The following CCSER1 variants were observed in gnomAD, a reference collection of about 807,000 sequenced individuals.
The protein encoded by CCSER1 is serine-rich coiled-coil domain-containing protein 1.
Under a neutral mutation model 82.0 loss-of-function variants are expected in CCSER1, and 41 were observed. That is an observed-to-expected ratio of 0.50 (90% CI 0.39 to 0.65). The LOEUF is 0.65. Among genes scored for constraint, CCSER1 ranks in the 30% least tolerant of loss-of-function variants. The probability of loss-of-function intolerance (pLI) is 0.00; values close to 1 mark genes in which losing one functional copy is unlikely to be tolerated. For synonymous variants in CCSER1, 414 were observed against 383.9 expected, an observed-to-expected ratio of 1.08 and a Z score of -0.92; for missense variants, 1,119 against 1,064.2, an observed-to-expected ratio of 1.05 and a Z score of -0.72.
intron 1 of CCSER1, among the ~76,000 whole-genome samples, chr4:90,258,738 G>T (rs913184356): frequency 3.3e-5 from 5 of 152,052 alleles, no homozygotes; most frequent in African/African-American, 1.2e-4. Context: ...TTGGGGTACA[G>T]GTGTTTTTTG....
chr4:90,273,491 A>AC (rs1726976870), intron 1 of CCSER1, among the ~76,000 whole-genome samples: 1 of 152,142 alleles, frequency 6.6e-6, no homozygotes, highest in South Asian at 2.1e-4. Context: ...CCTACTATGT[A>AC]CCCACAAAAA....
At chr4:90,168,489 A>G (rs993497512) in intron 1 of CCSER1, among the ~76,000 whole-genome samples, 4 of 151,940 alleles carry the variant, frequency 2.6e-5, no homozygotes, top group Non-Finnish European at 5.9e-5. Flanking sequence ...ATTAGATCCC[A>G]TTTGTCCATT....
At chr4:91,086,500 C>T (rs977517797) in intron 10 of CCSER1, among the ~76,000 whole-genome samples, 14 of 152,080 alleles carry the variant, frequency 9.2e-5, no homozygotes, top group African/African-American at 3.1e-4. Flanking sequence ...GAAGACTTAA[C>T]ATCACTTAAT....
At chr4:90,439,097 G>T (rs1759482435) in intron 4 of CCSER1, among the ~76,000 whole-genome samples, 1 of 151,940 alleles carries the variant, frequency 6.6e-6, no homozygotes, top group African/African-American at 2.4e-5. Context: ...TTTGAGACAG[G>T]CTTGACCAAG....
chr4:90,502,477 A>T (rs1770044676), intron 5 of CCSER1, among the ~76,000 whole-genome samples: 1 of 152,208 alleles, frequency 6.6e-6, no homozygotes, highest in South Asian at 2.1e-4. Flanking sequence ...GGGTGCACAG[A>T]GCCAAACTAT....
intron 3 of CCSER1, among the ~76,000 whole-genome samples, chr4:90,382,412 C>T (rs999733378): frequency 6.6e-6 from 1 of 151,952 alleles, no homozygotes; most frequent in Non-Finnish European, 1.5e-5. Flanking sequence ...ATACCTTAAC[C>T]GATCAGTAGG....
chr4:90,359,746 AAAAATAAAT>A (rs1476336422), intron 3 of CCSER1, among the ~76,000 whole-genome samples: 2 of 144,044 alleles, frequency 1.4e-5, no homozygotes, highest in Non-Finnish European at 3.1e-5. Context: ...CAAAAAAAAT[AAAAATAAAT>A]AAAATAAATA....
chr4:90,436,354 T>C (rs2153569678), intron 4 of CCSER1, among the ~76,000 whole-genome samples: 1 of 152,332 alleles, frequency 6.6e-6, no homozygotes, highest in East Asian at 1.9e-4. Context: ...TATAAATTTG[T>C]TGTGTGAACT....
intron 10 of CCSER1, among the ~76,000 whole-genome samples, chr4:91,200,538 T>A (rs1310008191): frequency 1.3e-5 from 2 of 152,084 alleles, no homozygotes; most frequent in Non-Finnish European, 2.9e-5. Context: ...CATAGAAGCC[T>A]TCAAAGCTAG....
rs985179158 is a variant in CCSER1, at chr4:90,968,897, G to A, written c.2172+45450G>A. 6.6e-5 allele frequency among the ~76,000 whole-genome samples: 10 copies of A among 151,788 alleles called. 1 individual carries two copies. In the East Asian group the frequency reaches 1.9e-3, roughly 29 times the overall value. ...TAATTGTTTTAAGGAAGCTCAAGATGCTACAGAAACACAGAAAAATGAACA... is the reference window on the plus strand; with the variant it reads ...TAATTGTTTTAAGGAAGCTCAAGATACTACAGAAACACAGAAAAATGAACA... On this transcript the variant is annotated intron_variant, in intron 9 of 10. Coordinates refer to ENST00000509176, the MANE Select transcript of CCSER1 (RefSeq NM_001145065.2).
chr4:90,159,233 T>C (rs1437704392), intron 1 of CCSER1, among the ~76,000 whole-genome samples: 1 of 151,998 alleles, frequency 6.6e-6, no homozygotes, highest in Non-Finnish European at 1.5e-5. Context: ...ACTTGAGAAA[T>C]GGAGCCTCAC....
intron 5 of CCSER1, among the ~76,000 whole-genome samples, chr4:90,505,630 G>C (rs571561798): frequency 6.6e-6 from 1 of 152,210 alleles, no homozygotes; most frequent in Non-Finnish European, 1.5e-5. Context: ...AAACGGACAG[G>C]GCATTTTTGA....
chr4:90,844,939 T>C (rs13132443), intron 8 of CCSER1, among the ~76,000 whole-genome samples: 11,268 of 152,268 alleles, frequency 0.074, 474 homozygotes, highest in Non-Finnish European at 0.092. Context: ...GCCTGAAAGC[T>C]GGTATAGACA....
intron 9 of CCSER1, among the ~76,000 whole-genome samples, chr4:91,006,248 C>A (rs1279754662): frequency 1.3e-5 from 2 of 151,396 alleles, no homozygotes; most frequent in African/African-American, 4.9e-5. Context: ...TAAATTTATT[C>A]CTGGCGATAT....
intron 9 of CCSER1, among the ~76,000 whole-genome samples, chr4:90,995,183 G>A (rs190270304): frequency 3.3e-5 from 5 of 152,252 alleles, no homozygotes; most frequent in Admixed American, 6.5e-5. Context: ...CAAGGGCAGA[G>A]AGTGAGTTGG....
At chr4:90,700,454 T>C (rs9759582) in intron 6 of CCSER1, among the ~76,000 whole-genome samples, 34,493 of 152,018 alleles carry the variant, frequency 0.23, 4,951 homozygotes, top group African/African-American at 0.4. Flanking sequence ...AACATACGTG[T>C]GCATGTGTCT....
intron 5 of CCSER1, among the ~76,000 whole-genome samples, chr4:90,494,789 G>A (rs2153607572): frequency 6.6e-6 from 1 of 152,034 alleles, no homozygotes; most frequent in Middle Eastern, 3.4e-3. Context: ...TAACACCTAT[G>A]GTCCTAAGTC....
At chr4:90,643,465 A>T (rs1275845998) in intron 6 of CCSER1, among the ~76,000 whole-genome samples, 1 of 152,166 alleles carries the variant, frequency 6.6e-6, no homozygotes, top group Non-Finnish European at 1.5e-5. Context: ...TCTAAATCTT[A>T]TTCCATTACT....
At chr4:90,822,807 G>A (rs906924588) in intron 8 of CCSER1, among the ~76,000 whole-genome samples, 5 of 149,544 alleles carry the variant, frequency 3.3e-5, no homozygotes, top group African/African-American at 1.2e-4. Context: ...TAGATTTTCT[G>A]AAAAAGTAAG....
Sources: allele counts gnomAD v4.1 joint callset (sites outside exome capture counted in the v4.1 genomes callset), GRCh38; gene constraint gnomAD v4.1.1; transcripts MANE v1.5; gene names NCBI Gene and HGNC (gene_info 2026-07-23, HGNC 2026-07-21).